YAP1: variants seen among roughly 807,000 people sequenced by gnomAD.
YAP1 encodes the protein Yes1 associated transcriptional regulator.
YAP1 carries 5 observed loss-of-function variants against 56.9 expected under a neutral mutation model. The ratio of observed to expected loss-of-function variants is 0.09; its 90% confidence interval spans 0.05 to 0.18. The LOEUF (loss-of-function observed/expected upper bound fraction) is 0.18. YAP1 is among the 10% of genes least tolerant of loss of function. YAP1 has a pLI of 1.00. For synonymous variants in YAP1, 265 were observed against 248.1 expected (o/e 1.07, Z -0.64); for missense variants, 539 against 651.8 (o/e 0.83, Z 1.88).
intron 2 of YAP1, among the ~76,000 whole-genome samples, chr11:102,160,760 C>T (rs977973352): frequency 8.5e-5 from 13 of 152,158 alleles, no homozygotes; most frequent in African/African-American, 2.4e-4. Flanking sequence ...AAGTTATTTG[C>T]TTGCTTTCTT....
chr11:102,181,708 T>C (rs1191637840), intron 3 of YAP1, among the ~76,000 whole-genome samples: 1 of 152,248 alleles, frequency 6.6e-6, no homozygotes, highest in Non-Finnish European at 1.5e-5. Context: ...CAGACCTGCA[T>C]AGATTGATCT....
At position 102,162,645 on chromosome 11, in the gene YAP1, C is replaced by T. The variant is rs76427331; in HGVS notation, c.688+74C>T. On this transcript the variant is annotated intron_variant, in intron 3 of 8. Coordinates refer to ENST00000282441, the MANE Select transcript of YAP1 (RefSeq NM_001130145.3). ...GGTAAAAGTTGATGTGGAAAATAGT[C>T]ATTACTCGTTTACAGAAACTGGGAC... 2,067 of 1,408,422 alleles carry T rather than the reference C, an allele frequency of 1.5e-3. 24 individuals carry two copies. The African/African-American group carries it at 0.025, about 17-fold the overall frequency. The allele number at this position is 1,408,422 out of a possible 1,614,324, so 87.2% of individuals were successfully genotyped here. A position where few individuals can be genotyped will look rare whatever the true frequency, so the allele number is the denominator to read the frequency against.
intron 8 of YAP1, among the ~76,000 whole-genome samples, chr11:102,228,199 CTTAATT>C (rs2135721581): frequency 6.6e-6 from 1 of 152,158 alleles, no homozygotes; most frequent in East Asian, 1.9e-4. Context: ...GATTAGTGTC[CTTAATT>C]TTGAGAGATG....
chr11:102,223,820 C>T, intron 7 of YAP1, 68 bp downstream of exon 7: 1 of 1,585,952 alleles, frequency 6.3e-7, no homozygotes, highest in Admixed American at 1.7e-5. Context: ...CTGCTTAGTG[C>T]TTGTAATAGG....
chr11:102,131,368 T>C (rs966286327), intron 2 of YAP1, among the ~76,000 whole-genome samples: 11 of 152,186 alleles, frequency 7.2e-5, no homozygotes, highest in African/African-American at 2.7e-4. Context: ...CTCTGTGTAA[T>C]AGGGACAAAA....
intron 4 of YAP1, among the ~76,000 whole-genome samples, chr11:102,194,268 A>T (rs1948459763): frequency 6.6e-6 from 1 of 152,230 alleles, no homozygotes; most frequent in East Asian, 1.9e-4. Context: ...AAGAGATTAT[A>T]GAATTATTGG....
intron 4 of YAP1, among the ~76,000 whole-genome samples, chr11:102,204,423 C>G (rs1354430630): frequency 3.3e-5 from 5 of 152,058 alleles, no homozygotes; most frequent in African/African-American, 1.2e-4. Flanking sequence ...ATGACCCATA[C>G]TCCTGTGGCA....
intron 4 of YAP1, among the ~76,000 whole-genome samples, chr11:102,189,828 G>T (rs183800029): frequency 6.6e-6 from 1 of 152,234 alleles, no homozygotes; most frequent in East Asian, 1.9e-4. Context: ...AAAGCCGAAG[G>T]TTGTTGAGAC....
chr11:102,177,922 G>A (rs1360221508), intron 3 of YAP1, among the ~76,000 whole-genome samples: 2 of 152,108 alleles, frequency 1.3e-5, no homozygotes, highest in African/African-American at 4.8e-5. Context: ...TATGATTACT[G>A]TTTGTCATAA....
intron 2 of YAP1, among the ~76,000 whole-genome samples, chr11:102,143,990 G>C (rs941613435): frequency 5.9e-5 from 9 of 152,178 alleles, no homozygotes; most frequent in African/African-American, 2.2e-4. Flanking sequence ...GACGTGTAAA[G>C]AAAACTAAGC....
At chr11:102,175,492 C>T (rs542660019) in intron 3 of YAP1, among the ~76,000 whole-genome samples, 2 of 152,240 alleles carry the variant, frequency 1.3e-5, no homozygotes, top group Non-Finnish European at 2.9e-5. Context: ...TTATCAAAGC[C>T]ACAAAATAAG....
At chr11:102,206,592 T>C (rs1949132670) in intron 5 of YAP1, among the ~76,000 whole-genome samples, 1 of 152,194 alleles carries the variant, frequency 6.6e-6, no homozygotes. Flanking sequence ...ATGCCTGTAA[T>C]CCCAGCACTT....
intron 2 of YAP1, among the ~76,000 whole-genome samples, chr11:102,124,784 C>T (rs930161159): frequency 2.6e-5 from 4 of 152,052 alleles, no homozygotes; most frequent in East Asian, 1.9e-4. Flanking sequence ...TGCCCAGGTT[C>T]GAGTGCAGTG....
chr11:102,158,843 C>T (rs193212468), intron 2 of YAP1, among the ~76,000 whole-genome samples: 1 of 152,084 alleles, frequency 6.6e-6, no homozygotes, highest in African/African-American at 2.4e-5. Flanking sequence ...GTTCAGTGTT[C>T]CTTAAATAAG....
chr11:102,121,626 C>T (rs967893923), intron 2 of YAP1, among the ~76,000 whole-genome samples: 1 of 152,098 alleles, frequency 6.6e-6, no homozygotes, highest in Non-Finnish European at 1.5e-5. Flanking sequence ...TTAGTAGCCA[C>T]CTCAGTTGTC....
intron 3 of YAP1, among the ~76,000 whole-genome samples, chr11:102,173,702 G>A (rs866325570): frequency 6.6e-6 from 1 of 152,102 alleles, no homozygotes; most frequent in South Asian, 2.1e-4. Context: ...AATAAATATT[G>A]GATCGATCCA....
In YAP1 at chr11:102,229,835, G is replaced by T; in HGVS notation, c.1410G>T (p.Leu470=). Residue 470 remains leucine, a synonymous_variant, in exon 9 of 9, where the codon CTG becomes CTT. Coordinates refer to ENST00000282441, the MANE Select transcript of YAP1 (RefSeq NM_001130145.3). ...GDGMNIEGEE[L]MPSLQEALSS... ...GAATGAACATAGAAGGAGAGGAGCT[G>T]ATGCCAAGTCTGCAGGAAGCTTTGA... 1 of 1,614,172 alleles carries T rather than the reference G, an allele frequency of 6.2e-7. No homozygotes were observed. The highest frequency in any genetic ancestry group is 8.5e-7 in the Non-Finnish European group (1 of 1,180,008).
At chr11:102,226,121 T>A (rs1172205158) in intron 7 of YAP1, among the ~76,000 whole-genome samples, 1 of 152,246 alleles carries the variant, frequency 6.6e-6, no homozygotes, top group Non-Finnish European at 1.5e-5. Context: ...AATAGAGTGA[T>A]GACTAGGACC....
In YAP1 at chr11:102,157,217, T is replaced by C. The variant is rs560322850; in HGVS notation, c.573-5239T>C. On this transcript the variant is annotated intron_variant, in intron 2 of 8. Transcript: ENST00000282441. ...TCTTCTCATGCATGTCAAGGAAATATAGTATATGCATAATCACTGAATTTT... is the reference window on the plus strand; with the variant it reads ...TCTTCTCATGCATGTCAAGGAAATACAGTATATGCATAATCACTGAATTTT... Among the ~76,000 whole-genome samples, 22 of 152,344 alleles carry C rather than the reference T, an allele frequency of 1.4e-4. No homozygotes were observed. In the East Asian group the frequency reaches 2.3e-3, roughly 16 times the overall value.
Sources: allele counts gnomAD v4.1 joint callset (sites outside exome capture counted in the v4.1 genomes callset), GRCh38; gene constraint gnomAD v4.1.1; transcripts MANE v1.5; gene names NCBI Gene and HGNC (gene_info 2026-07-23, HGNC 2026-07-21).